PARD3B: variants seen among roughly 807,000 people sequenced by gnomAD.
The protein encoded by PARD3B is par-3 family cell polarity regulator beta.
In PARD3B, 103 loss-of-function variants were observed where a neutral mutation model predicts 130.2. The observed-to-expected ratio is 0.79, with a 90% CI of 0.67 to 0.93. The LOEUF (loss-of-function observed/expected upper bound fraction) is 0.93, where lower values mean the gene tolerates loss of function less well. PARD3B is among the 40% of genes least tolerant of loss of function. The pLI is 0.00. For missense variants in PARD3B, 1,609 were observed against 1,499.2 expected, an observed-to-expected ratio of 1.07 and a Z score of -1.21; for synonymous variants, 583 against 553.2, an observed-to-expected ratio of 1.05 and a Z score of -0.76.
intron 1 of PARD3B, among the ~76,000 whole-genome samples, chr2:204,560,216 G>A (rs941585401): frequency 6.6e-6 from 1 of 152,156 alleles, no homozygotes; most frequent in African/African-American, 2.4e-5. Flanking sequence ...AATCAGTGAG[G>A]TCTCAGTCAG....
intron 22 of PARD3B, among the ~76,000 whole-genome samples, chr2:205,578,685 C>T (rs887484320): frequency 6.6e-6 from 1 of 152,152 alleles, no homozygotes; most frequent in African/African-American, 2.4e-5. Context: ...TTCAAGCTGA[C>T]CATGATATAT....
chr2:204,940,482 T>G (rs1688814297), intron 2 of PARD3B, among the ~76,000 whole-genome samples: 2 of 152,146 alleles, frequency 1.3e-5, no homozygotes, highest in South Asian at 4.1e-4. Context: ...GAGAGTTTTT[T>G]TTTTTTTTCT....
At chr2:205,191,956 T>C (rs80098690) in intron 14 of PARD3B, among the ~76,000 whole-genome samples, 3,990 of 152,250 alleles carry the variant, frequency 0.026, 168 homozygotes, top group African/African-American at 0.089. Flanking sequence ...TAGACTCAAG[T>C]GATCCTCCAG....
rs552190514 is a variant in PARD3B at position 205,180,576 on chromosome 2, A to G, written c.1924+3999A>G. Among the ~76,000 whole-genome samples the G allele has an allele frequency of 2.1e-3, 313 of 151,358 alleles. 1 individual carries two copies. Among genetic ancestry groups the G allele is most frequent in the Non-Finnish European group, 3.6e-3 (245 of 67,960 alleles). On this transcript the variant is annotated intron_variant, in intron 13 of 22. Transcript: ENST00000406610. ...GTGAGGAGAGGAGCTGTTACAGCCA[A>G]AACATTGGCTTTTTTTTTTTTCTTT...
intron 16 of PARD3B, among the ~76,000 whole-genome samples, chr2:205,285,011 G>A (rs1292007917): frequency 2.2e-5 from 3 of 134,260 alleles, no homozygotes; most frequent in African/African-American, 5.6e-5. Flanking sequence ...TTTTTTTTGT[G>A]GGAGTATTAG....
intron 18 of PARD3B, among the ~76,000 whole-genome samples, chr2:205,399,518 C>T (rs2046166958): frequency 6.6e-6 from 1 of 151,750 alleles, no homozygotes; most frequent in Admixed American, 6.6e-5. Context: ...CGACGCCCGG[C>T]TAATTTTTGT....
intron 2 of PARD3B, among the ~76,000 whole-genome samples, chr2:204,802,926 C>T (rs933775475): frequency 1.5e-4 from 23 of 151,672 alleles, no homozygotes; most frequent in African/African-American, 4.8e-4. Flanking sequence ...CACCATGGCA[C>T]GTTTTTACCT....
chr2:204,833,282 C>G (rs543357004), intron 2 of PARD3B, among the ~76,000 whole-genome samples: 3 of 152,018 alleles, frequency 2.0e-5, no homozygotes, highest in Non-Finnish European at 4.4e-5. Context: ...TTTAGATAAC[C>G]CTTTGTTTTT....
chr2:204,709,591 T>C (rs2038339308), intron 2 of PARD3B, among the ~76,000 whole-genome samples: 1 of 152,224 alleles, frequency 6.6e-6, no homozygotes, highest in Admixed American at 6.5e-5. Flanking sequence ...CAGTGGACCA[T>C]CTACCTAGTA....
At chr2:205,424,829 G>A (rs2047089610) in intron 19 of PARD3B, among the ~76,000 whole-genome samples, 1 of 152,056 alleles carries the variant, frequency 6.6e-6, no homozygotes, top group African/African-American at 2.4e-5. Context: ...CAGTCCCTAG[G>A]GTTAAACAAT....
At position 205,277,116 on chromosome 2, in the gene PARD3B, T is replaced by A. The variant is rs529464038; in HGVS notation, c.2186-23414T>A. Among the ~76,000 whole-genome samples the A allele has an allele frequency of 1.1e-3, 170 of 152,358 alleles. 1 individual carries two copies. The highest frequency in any genetic ancestry group is 3.9e-3 in the African/African-American group (161 of 41,580). ...AGGTTACAGTCAGGAAGGTTCCATT[T>A]GCCAGACAACGAATAATCCTTGAGT... On this transcript the variant is annotated intron_variant, in intron 16 of 22. Transcript: ENST00000406610.
intron 3 of PARD3B, among the ~76,000 whole-genome samples, chr2:204,977,811 CAAA>C (rs35974349): frequency 3.4e-5 from 2 of 59,024 alleles, no homozygotes; most frequent in Admixed American, 2.2e-4. Flanking sequence ...GACTCCGGCT[CAAA>C]AAAAAAAAAA....
At chr2:204,746,364 C>G (rs2040228733) in intron 2 of PARD3B, among the ~76,000 whole-genome samples, 1 of 151,926 alleles carries the variant, frequency 6.6e-6, no homozygotes, top group Non-Finnish European at 1.5e-5. Context: ...GCCACATTTT[C>G]TTAATCCAGT....
intron 2 of PARD3B, among the ~76,000 whole-genome samples, chr2:204,822,315 G>A (rs1005844053): frequency 4.6e-5 from 7 of 152,190 alleles, no homozygotes; most frequent in African/African-American, 1.7e-4. Context: ...AAACTATAGT[G>A]GATGAGGAAT....
chr2:204,778,856 C>A (rs1011328819), intron 2 of PARD3B, among the ~76,000 whole-genome samples: 1 of 152,074 alleles, frequency 6.6e-6, no homozygotes, highest in Non-Finnish European at 1.5e-5. Context: ...CCTATGCGTA[C>A]GTCCGATCAT....
chr2:205,386,047 A>T lies in PARD3B; in HGVS notation c.2631-14966A>T, dbSNP rs546395311. Among the ~76,000 whole-genome samples, 4 of 152,302 alleles carry T rather than the reference A, an allele frequency of 2.6e-5. No homozygotes were observed. In the South Asian group the frequency reaches 8.3e-4, roughly 32 times the overall value. On this transcript the variant is annotated intron_variant, in intron 18 of 22. Coordinates refer to ENST00000406610, the MANE Select transcript of PARD3B (RefSeq NM_001302769.2). ...TCTCTATAAATTTAAGTTTCATGAT[A>T]GGCTTTTATATATTCTACAAATTTC... is the stretch of plus-strand genomic sequence containing the variant.
rs6721030 is a variant in PARD3B at position 205,281,577 on chromosome 2, T to C, written c.2186-18953T>C. Among the ~76,000 whole-genome samples the C allele has an allele frequency of 0.64, 97,868 of 152,092 alleles. 33,493 individuals are homozygous for C. Among genetic ancestry groups the C allele is most frequent in the Admixed American group, 0.76 (11,584 of 15,290 alleles). On this transcript the variant is annotated intron_variant, in intron 16 of 22. Transcript: ENST00000406610. This position sits in a 1 kb window ranked among gnomAD's most constrained non-coding sequence, Gnocchi z 4.2. ...CAGGAAATCCACTTTTTTTCCTAAG[T>C]TGGGAAAATACATGCCTCACATCAT...
intron 1 of PARD3B, among the ~76,000 whole-genome samples, chr2:204,658,787 A>G (rs1245535890): frequency 3.9e-5 from 6 of 152,164 alleles, no homozygotes; most frequent in Non-Finnish European, 4.4e-5. Flanking sequence ...TAGATCCAAC[A>G]AAAGTCCTAA....
At chr2:204,651,095 C>T (rs554910106) in intron 1 of PARD3B, among the ~76,000 whole-genome samples, 35 of 152,194 alleles carry the variant, frequency 2.3e-4, no homozygotes, top group Admixed American at 5.9e-4. Flanking sequence ...ATTATTCTGC[C>T]GCTGACCCCT....
Sources: gnomAD v4.1 joint callset for allele counts (sites outside exome capture counted in the v4.1 genomes callset) on GRCh38, gnomAD v4.1.1 for gene constraint, Gnocchi (gnomAD v3.1) non-coding constraint, MANE v1.5 for transcripts, NCBI Gene and HGNC (gene_info 2026-07-23, HGNC 2026-07-21) for gene names.